Variants in COBLL1 observed in about 807,000 individuals in gnomAD.
COBLL1 encodes cordon-bleu WH2 repeat protein like 1, also known as cordon-bleu protein-like 1.
COBLL1 carries 50 observed loss-of-function variants against 94.8 expected under a neutral mutation model. The ratio of observed to expected loss-of-function variants is 0.53; its 90% CI spans 0.42 to 0.67. COBLL1 has a LOEUF of 0.67. Among genes scored for constraint, COBLL1 ranks in the 30% least tolerant of loss-of-function variants. The pLI, the probability that COBLL1 is intolerant of heterozygous loss-of-function variation, is 0.00. For synonymous variants in COBLL1, 448 were observed against 473.8 expected, an observed-to-expected ratio of 0.95 and a Z score of 0.71; for missense variants, 1,362 against 1,348.7, an observed-to-expected ratio of 1.01 and a Z score of -0.15.
At chr2:164,703,543 CT>C (rs1252647361) in intron 9 of COBLL1, 1 of 401,740 alleles carries the variant, frequency 2.5e-6, no homozygotes, top group Non-Finnish European at 4.8e-6. Flanking sequence ...AAAATCATTA[CT>C]AGTTATCTGA....
At position 164,841,419 on chromosome 2, in the gene COBLL1, T is replaced by C. The variant is rs1185440824; in HGVS notation, c.-50-173A>G. 12 of 1,157,930 alleles carry C rather than the reference T, an allele frequency of 1.0e-5. No homozygotes were observed. In the East Asian group the frequency reaches 4.9e-4, roughly 48 times the overall value. The allele number at this position is 1,157,930 out of a possible 1,614,324, so 71.7% of individuals were successfully genotyped here. On this transcript the variant is annotated intron_variant, in intron 1 of 13. Transcript: ENST00000652658. This position sits in a 1 kb window ranked among gnomAD's most constrained non-coding sequence, Gnocchi z 5.5. Reference sequence around the variant, plus strand: ...TCCCAGCCCGCGGGCGCCGCCGCCGTCTCTACAAGGTCTAGCGGGCGCCCA... The same window carrying C: ...TCCCAGCCCGCGGGCGCCGCCGCCGCCTCTACAAGGTCTAGCGGGCGCCCA...
chr2:164,678,392 T>G (rs1682891357), downstream of COBLL1, among the ~76,000 whole-genome samples: 2 of 152,082 alleles, frequency 1.3e-5, no homozygotes, highest in Admixed American at 6.6e-5. Context: ...AATTTGACTA[T>G]TCATATAGGG....
rs192172341 is a variant in COBLL1 at position 164,814,335 on chromosome 2, A to C, written c.41+26821T>G. Reference sequence around the variant, plus strand: ...AGACCTAGCATCTAATAAGGTCTTAATAAACAATTGATTTTTGTATTATTA... The same window carrying C: ...AGACCTAGCATCTAATAAGGTCTTACTAAACAATTGATTTTTGTATTATTA... On this transcript the variant is annotated intron_variant, in intron 2 of 13. Coordinates refer to ENST00000652658, the MANE Select transcript of COBLL1 (RefSeq NM_001365672.2). Among the ~76,000 whole-genome samples, 476 of 152,288 alleles carry C rather than the reference A, an allele frequency of 3.1e-3. 6 individuals are homozygous for C. The highest frequency in any genetic ancestry group is 0.011 in the African/African-American group (442 of 41,580).
chr2:164,707,484 T>G (rs927493352), intron 7 of COBLL1, among the ~76,000 whole-genome samples: 1 of 152,178 alleles, frequency 6.6e-6, no homozygotes. Context: ...TCCCAACATT[T>G]CTTATCCCTG....
At chr2:164,709,179 GA>G (rs1365394508) in intron 7 of COBLL1, among the ~76,000 whole-genome samples, 1 of 152,008 alleles carries the variant, frequency 6.6e-6, no homozygotes, top group Non-Finnish European at 1.5e-5. Context: ...TATGGATAAA[GA>G]ATTTAAAATT....
chr2:164,818,250 GCATATACA>G (rs1360280857), intron 2 of COBLL1, among the ~76,000 whole-genome samples: 2 of 146,852 alleles, frequency 1.4e-5, no homozygotes, highest in South Asian at 2.3e-4. Flanking sequence ...GTATACATGT[GCATATACA>G]CATATACACG....
At chr2:164,665,095 C>G (rs1308402593) in intron 2 of COBLL1, among the ~76,000 whole-genome samples, 4 of 152,092 alleles carry the variant, frequency 2.6e-5, no homozygotes, top group Non-Finnish European at 5.9e-5. Flanking sequence ...CTTTGGGAGG[C>G]CAAGGCGAGC....
At chr2:164,776,569 T>C (rs1205800252) in intron 2 of COBLL1, among the ~76,000 whole-genome samples, 1 of 151,674 alleles carries the variant, frequency 6.6e-6, no homozygotes, top group African/African-American at 2.4e-5. Context: ...TTATCACTGT[T>C]TTTTTTTAAT....
At chr2:164,718,331 G>T in intron 7 of COBLL1, 1 of 746,564 alleles carries the variant, frequency 1.3e-6, no homozygotes, top group Non-Finnish European at 1.6e-6. Flanking sequence ...TTTAGAGGAT[G>T]AGGTAAGTAA....
intron 2 of COBLL1, among the ~76,000 whole-genome samples, chr2:164,798,245 C>T (rs1683571937): frequency 6.6e-6 from 1 of 152,194 alleles, no homozygotes; most frequent in Non-Finnish European, 1.5e-5. Flanking sequence ...CTTCACATCT[C>T]ATCATTTACT....
chr2:164,690,891 T>G (rs1683555793), intron 13 of COBLL1, among the ~76,000 whole-genome samples: 1 of 152,200 alleles, frequency 6.6e-6, no homozygotes, highest in Non-Finnish European at 1.5e-5. Context: ...AAGAAAACTT[T>G]TCGTGAGGTT....
chr2:164,765,374 C>T (rs1687880445), intron 2 of COBLL1, among the ~76,000 whole-genome samples: 2 of 152,156 alleles, frequency 1.3e-5, no homozygotes, highest in South Asian at 4.1e-4. Context: ...TCCAATTTAA[C>T]TAACGAATCA....
chr2:164,720,918 G>A (rs1685411005), intron 7 of COBLL1, among the ~76,000 whole-genome samples: 1 of 152,122 alleles, frequency 6.6e-6, no homozygotes, highest in Non-Finnish European at 1.5e-5. Context: ...TTGTGAGATT[G>A]GATGAGATTT....
rs576662418 is a variant in COBLL1 at position 164,736,788 on chromosome 2, C to T, written c.231-6673G>A. Among the ~76,000 whole-genome samples the T allele has an allele frequency of 1.3e-3, 192 of 152,112 alleles. 1 individual carries two copies. The highest frequency in any genetic ancestry group is 4.1e-3 in the African/African-American group (172 of 41,496). On this transcript the variant is annotated intron_variant, in intron 3 of 13. Transcript: ENST00000652658. ...GAAAAAAAGCAGGTTACAAATAGCA[C>T]GTACAATATAATACCATATTGTTGT... is the stretch of plus-strand genomic sequence containing the variant.
intron 2 of COBLL1, among the ~76,000 whole-genome samples, chr2:164,808,647 CCTTA>C (rs1684315470): frequency 6.6e-6 from 1 of 152,112 alleles, no homozygotes; most frequent in Non-Finnish European, 1.5e-5. Flanking sequence ...GACATTATTT[CCTTA>C]CTTCTTTGTT....
chr2:164,754,800 C>A (rs1296729679), intron 2 of COBLL1, among the ~76,000 whole-genome samples: 2 of 152,068 alleles, frequency 1.3e-5, no homozygotes, highest in Admixed American at 1.3e-4. Context: ...CATGTAAATC[C>A]TTTTGTTCAA....
Position 164,685,936 on chromosome 2 carries a change from A to T in COBLL1, c.*10T>A. On this transcript the variant is annotated 3_prime_UTR_variant, in exon 14 of 14. Transcript: ENST00000652658. Reference sequence around the variant, plus strand: ...TGGAAGTGAAGTGCAGTGGTGTGGCAGGGTAACATTTAATGGCCGTCCTGG... The same window carrying T: ...TGGAAGTGAAGTGCAGTGGTGTGGCTGGGTAACATTTAATGGCCGTCCTGG... 1 of 1,563,242 alleles carries T rather than the reference A, an allele frequency of 6.4e-7. No homozygotes were observed. Among genetic ancestry groups the T allele is most frequent in the Non-Finnish European group, 8.8e-7 (1 of 1,135,750 alleles).
chr2:164,703,029 T>C, intron 9 of COBLL1: 2 of 787,296 alleles, frequency 2.5e-6, no homozygotes, highest in Non-Finnish European at 4.3e-6. Flanking sequence ...TTTCAATAGC[T>C]CATCAAATTT....
At chr2:164,753,059 C>T (rs6758679) in intron 2 of COBLL1, among the ~76,000 whole-genome samples, 7,748 of 152,176 alleles carry the variant, frequency 0.051, 419 homozygotes, top group African/African-American at 0.14. Flanking sequence ...ATGGACAGGA[C>T]GCCCATTCCC....
Sources: allele counts gnomAD v4.1 joint callset (sites outside exome capture counted in the v4.1 genomes callset), GRCh38; gene constraint gnomAD v4.1.1; non-coding constraint Gnocchi (gnomAD v3.1); transcripts MANE v1.5; gene names NCBI Gene and HGNC (gene_info 2026-07-23, HGNC 2026-07-21).